The following SBF2 variants were observed in gnomAD, a reference collection of about 807,000 sequenced individuals.
SBF2 encodes the protein myotubularin-related protein 13.
SBF2 carries 112 observed loss-of-function variants against 225.2 expected under a neutral mutation model. The ratio of observed to expected loss-of-function variants is 0.50; its 90% CI spans 0.43 to 0.58. The LOEUF (loss-of-function observed/expected upper bound fraction) is 0.58. Ranked by LOEUF, SBF2 falls within the 20% of genes least tolerant of loss-of-function variation. SBF2 has a pLI of 0.00. For missense variants in SBF2, 1,996 were observed against 2,206.2 expected, an observed-to-expected ratio of 0.90 and a Z score of 1.91; for synonymous variants, 763 against 773.3, an observed-to-expected ratio of 0.99 and a Z score of 0.22.
chr11:9,937,771 G>A (rs1466582550), intron 16 of SBF2, among the ~76,000 whole-genome samples: 1 of 151,860 alleles, frequency 6.6e-6, no homozygotes, highest in African/African-American at 2.4e-5. Flanking sequence ...AAATGGATAG[G>A]TATTAAATAA....
At chr11:9,938,455 T>A (rs1431244842) in intron 16 of SBF2, among the ~76,000 whole-genome samples, 1 of 150,436 alleles carries the variant, frequency 6.6e-6, no homozygotes, top group Non-Finnish European at 1.5e-5. Context: ...TGCCCAGGAA[T>A]GGCTTAAAAA....
At chr11:9,786,569 G>T (rs1379029536) in intron 36 of SBF2, among the ~76,000 whole-genome samples, 1 of 152,022 alleles carries the variant, frequency 6.6e-6, no homozygotes, top group Admixed American at 6.5e-5. Flanking sequence ...TGACCTTTCT[G>T]TAACATCTGA....
At chr11:10,299,011 T>C (rs1051806783), upstream of SBF2, among the ~76,000 whole-genome samples, 1 of 152,072 alleles carries the variant, frequency 6.6e-6, no homozygotes, top group African/African-American at 2.4e-5. Context: ...GAGTGTGTGT[T>C]TGGGGTGCAA....
At chr11:10,249,402 A>C (rs1025317050) in intron 1 of SBF2, among the ~76,000 whole-genome samples, 1 of 152,194 alleles carries the variant, frequency 6.6e-6, no homozygotes, top group African/African-American at 2.4e-5. Flanking sequence ...CAAGATTTTC[A>C]TGTAATATTA....
At chr11:10,131,983 C>A (rs1478254319) in intron 2 of SBF2, among the ~76,000 whole-genome samples, 1 of 152,194 alleles carries the variant, frequency 6.6e-6, no homozygotes, top group Non-Finnish European at 1.5e-5. Context: ...TATAGTTTTA[C>A]ATTTTAAACT....
chr11:10,052,439 T>C (rs1950097030), intron 2 of SBF2, among the ~76,000 whole-genome samples: 1 of 152,194 alleles, frequency 6.6e-6, no homozygotes, highest in Non-Finnish European at 1.5e-5. Context: ...ACAGGCAATG[T>C]GGGAATCCTT....
intron 6 of SBF2, among the ~76,000 whole-genome samples, chr11:10,025,976 A>T (rs898368793): frequency 6.6e-6 from 1 of 151,310 alleles, no homozygotes; most frequent in Non-Finnish European, 1.5e-5. Flanking sequence ...TACACAGGCC[A>T]CCATTACTGG....
chr11:9,890,328 G>A (rs1860696014), intron 17 of SBF2, among the ~76,000 whole-genome samples: 1 of 152,076 alleles, frequency 6.6e-6, no homozygotes, highest in Non-Finnish European at 1.5e-5. Context: ...CACTTAAGAT[G>A]GGTGAATTTT....
At chr11:9,967,955 CTCTCTCTCTCTCTCTCTATA>C (rs1565072862) in intron 14 of SBF2, among the ~76,000 whole-genome samples, 4 of 103,998 alleles carry the variant, frequency 3.8e-5, no homozygotes, top group East Asian at 4.3e-4. Context: ...CTGTCTCTCT[CTCTCTCTCTCTCTCTCTATA>C]TATATATATA....
At chr11:10,202,338 G>A (rs1957595263) in intron 1 of SBF2, among the ~76,000 whole-genome samples, 1 of 152,162 alleles carries the variant, frequency 6.6e-6, no homozygotes, top group Admixed American at 6.5e-5. Context: ...AACAGCAGCA[G>A]CCTCATCATC....
chr11:9,809,236 C>T (rs999965898), intron 30 of SBF2: 15 of 441,026 alleles, frequency 3.4e-5, no homozygotes, highest in Admixed American at 3.7e-5. Flanking sequence ...GAGGCCGAGC[C>T]GGGCAGGTCA....
At chr11:9,876,417 T>C (rs1351096018) in intron 17 of SBF2, among the ~76,000 whole-genome samples, 3 of 152,120 alleles carry the variant, frequency 2.0e-5, no homozygotes, top group South Asian at 2.1e-4. Context: ...AGCGTGCCCA[T>C]ATTTGTAGTA....
chr11:9,910,926 G>A (rs7925651), intron 16 of SBF2, among the ~76,000 whole-genome samples: 41,924 of 147,690 alleles, frequency 0.28, 6,954 homozygotes, highest in African/African-American at 0.45. Flanking sequence ...GGGCATGGTG[G>A]TGCACGCCTG....
At position 9,853,574 on chromosome 11, in the gene SBF2, C is replaced by G. The variant is rs767317422; in HGVS notation, c.2502G>C (p.Gln834His). 1 of 1,613,958 alleles carries G rather than the reference C, an allele frequency of 6.2e-7. No homozygotes were observed. The highest frequency in any genetic ancestry group is 1.7e-5 in the Admixed American group (1 of 60,010). The change falls in exon 20 of 40, where the codon CAG (glutamine) becomes CAC (histidine). Residue 834 changes from glutamine to histidine, a missense_variant. Physicochemically the swap from Gln to His is conservative, Grantham distance 24 (BLOSUM62 0). Transcript: ENST00000256190. ...TGCAATGAAGGCTCTTGATGTGATC[C>G]TGAGTAACTCCACTCTCTGTACAAA... ...DKVCTESGVT[Q>H]DHIKSLHCMI...
chr11:10,164,434 C>G (rs1042978409), intron 2 of SBF2, among the ~76,000 whole-genome samples: 2 of 152,134 alleles, frequency 1.3e-5, no homozygotes, highest in Non-Finnish European at 2.9e-5. Flanking sequence ...AAATCAATCA[C>G]ATTTCCTATT....
In SBF2 at chr11:9,857,378, C is replaced by T. The variant is rs114115396; in HGVS notation, c.2101-658G>A. 6.1e-3 allele frequency among the ~76,000 whole-genome samples: 922 copies of T among 152,286 alleles called. 6 individuals are homozygous for T. Among genetic ancestry groups the T allele is most frequent in the African/African-American group, 0.021 (875 of 41,560 alleles). ...GTGACATGTGTTTGCTCTATGAATG[C>T]TTTCGAGATGTGTCAATATTAACAT... is the stretch of plus-strand genomic sequence containing the variant. On this transcript the variant is annotated intron_variant, in intron 18 of 39. Coordinates refer to ENST00000256190, the MANE Select transcript of SBF2 (RefSeq NM_030962.4).
intron 9 of SBF2, among the ~76,000 whole-genome samples, chr11:9,995,107 G>C (rs1947635668): frequency 6.6e-6 from 1 of 151,878 alleles, no homozygotes; most frequent in Non-Finnish European, 1.5e-5. Context: ...AGTCTAGACA[G>C]GTGAAAGTAT....
At chr11:10,157,343 T>A (rs1955526086) in intron 2 of SBF2, among the ~76,000 whole-genome samples, 1 of 152,196 alleles carries the variant, frequency 6.6e-6, no homozygotes, top group African/African-American at 2.4e-5. Flanking sequence ...AATACCATTC[T>A]AAACATAGGA....
chr11:10,237,269 C>T (rs1959109623), intron 1 of SBF2, among the ~76,000 whole-genome samples: 1 of 152,110 alleles, frequency 6.6e-6, no homozygotes, highest in Admixed American at 6.6e-5. Flanking sequence ...ATCACTTGAG[C>T]CTGGGAGGCA....
Sources: allele counts gnomAD v4.1 joint callset (sites outside exome capture counted in the v4.1 genomes callset), GRCh38; gene constraint gnomAD v4.1.1; transcripts MANE v1.5; gene names NCBI Gene and HGNC (gene_info 2026-07-23, HGNC 2026-07-21).